RPS6KC1: variants seen among roughly 807,000 people sequenced by gnomAD.
The protein encoded by RPS6KC1 is ribosomal protein S6 kinase C1, also known as inactive ribosomal protein S6 kinase delta-1.
Under a neutral mutation model 103.8 loss-of-function variants are expected in RPS6KC1, and 54 were observed. The observed-to-expected ratio is 0.52, with a 90% CI of 0.42 to 0.65. The LOEUF (loss-of-function observed/expected upper bound fraction) is 0.65. Among genes scored for constraint, RPS6KC1 ranks in the 30% least tolerant of loss-of-function variants. RPS6KC1 has a pLI of 0.00. For synonymous variants in RPS6KC1, 439 were observed against 438.7 expected (o/e 1.00, Z -0.01); for missense variants, 1,151 against 1,253.8 (o/e 0.92, Z 1.24).
At chr1:213,642,741 T>G in the RPS6KC1 span, among the ~76,000 whole-genome samples, 1 of 152,058 alleles carries the variant, frequency 6.6e-6, no homozygotes, top group Non-Finnish European at 1.5e-5. Context: ...GCTTCTGCTT[T>G]TGTAACTTTA....
the RPS6KC1 span, among the ~76,000 whole-genome samples, chr1:213,799,281 G>A: frequency 2.6e-5 from 4 of 152,286 alleles, no homozygotes; most frequent in Admixed American, 2.6e-4. Flanking sequence ...CTGAGTTGGT[G>A]TAATTATTTC....
At chr1:213,215,048 GAGA>G (rs1405755056) in intron 8 of RPS6KC1, among the ~76,000 whole-genome samples, 30 of 152,330 alleles carry the variant, frequency 2.0e-4, no homozygotes, top group African/African-American at 6.7e-4. Flanking sequence ...GACAAGTTGA[GAGA>G]AGAAGGCTTC....
chr1:213,169,837 A>G (rs1160170961), intron 7 of RPS6KC1, among the ~76,000 whole-genome samples: 2 of 143,188 alleles, frequency 1.4e-5, no homozygotes, highest in Non-Finnish European at 3.0e-5. Context: ...GCTGGAGTGC[A>G]GTGGCGCGAT....
chr1:213,786,999 G>A, the RPS6KC1 span, among the ~76,000 whole-genome samples: 3 of 152,196 alleles, frequency 2.0e-5, no homozygotes, highest in African/African-American at 7.2e-5. Context: ...ATGAAAGGGA[G>A]ATTTGATGGG....
intron 1 of RPS6KC1, among the ~76,000 whole-genome samples, chr1:213,058,864 A>G (rs2077572993): frequency 6.6e-6 from 1 of 152,200 alleles, no homozygotes; most frequent in East Asian, 1.9e-4. Flanking sequence ...CATCTTTTCT[A>G]TGTTGAATCT....
At chr1:213,637,237 T>C in the RPS6KC1 span, among the ~76,000 whole-genome samples, 3 of 152,142 alleles carry the variant, frequency 2.0e-5, no homozygotes, top group Non-Finnish European at 4.4e-5. Flanking sequence ...AGAAATACCA[T>C]TTGACCCAGC....
At position 213,213,983 on chromosome 1, in the gene RPS6KC1, A is replaced by G. The variant is rs139978609; in HGVS notation, c.1045-16514A>G. On this transcript the variant is annotated intron_variant, in intron 8 of 14. Coordinates refer to ENST00000366960, the MANE Select transcript of RPS6KC1 (RefSeq NM_012424.6). ...AAGACGAATGATTTCTGCATTTCCA[A>G]CTGAGGTACTGGGTTCATCTCACTG... Among the ~76,000 whole-genome samples the G allele has an allele frequency of 4.2e-3, 633 of 152,302 alleles. 7 individuals are homozygous for G. The highest frequency in any genetic ancestry group is 0.015 in the African/African-American group (606 of 41,570).
At chr1:213,237,471 T>G (rs567170533) in intron 10 of RPS6KC1, among the ~76,000 whole-genome samples, 84 of 152,058 alleles carry the variant, frequency 5.5e-4, no homozygotes, top group Non-Finnish European at 9.6e-4. Flanking sequence ...ATATTTAAAT[T>G]GTTTCCAGTA....
At chr1:213,170,051 G>A (rs2091352740) in intron 7 of RPS6KC1, among the ~76,000 whole-genome samples, 2 of 152,174 alleles carry the variant, frequency 1.3e-5, no homozygotes, top group South Asian at 4.1e-4. Flanking sequence ...CAAAGTGCTT[G>A]TGATTACAGG....
chr1:213,428,128 A>G, the RPS6KC1 span, among the ~76,000 whole-genome samples: 3 of 152,164 alleles, frequency 2.0e-5, no homozygotes, highest in East Asian at 5.8e-4. Context: ...AAGACCAGGG[A>G]ACAGGTTTTC....
At chr1:213,796,310 A>G in the RPS6KC1 span, among the ~76,000 whole-genome samples, 2 of 152,196 alleles carry the variant, frequency 1.3e-5, no homozygotes, top group Non-Finnish European at 2.9e-5. Context: ...CAATGGGAGA[A>G]CAATAGATTG....
intron 8 of RPS6KC1, among the ~76,000 whole-genome samples, chr1:213,228,578 A>T (rs2094014283): frequency 6.6e-6 from 1 of 151,668 alleles, no homozygotes; most frequent in African/African-American, 2.4e-5. Context: ...AAAAAAAATT[A>T]TCCAGGCATG....
At chr1:213,554,592 A>G in the RPS6KC1 span, among the ~76,000 whole-genome samples, 1 of 152,192 alleles carries the variant, frequency 6.6e-6, no homozygotes, top group African/African-American at 2.4e-5. Flanking sequence ...AGCCATACCC[A>G]GAACCTGGAA....
the RPS6KC1 span, among the ~76,000 whole-genome samples, chr1:213,311,755 A>G: frequency 6.6e-6 from 1 of 152,088 alleles, no homozygotes; most frequent in Non-Finnish European, 1.5e-5. Flanking sequence ...TTAAAGACTG[A>G]TGATTTTAAA....
chr1:213,455,138 A>G, the RPS6KC1 span, among the ~76,000 whole-genome samples: 2 of 152,202 alleles, frequency 1.3e-5, no homozygotes, highest in African/African-American at 4.8e-5. Context: ...TGATAGAGAA[A>G]AGGATGGAGG....
At chr1:213,103,215 A>G (rs2082166410) in intron 3 of RPS6KC1, among the ~76,000 whole-genome samples, 1 of 152,086 alleles carries the variant, frequency 6.6e-6, no homozygotes, top group Non-Finnish European at 1.5e-5. Context: ...ATCTGTGATA[A>G]TGTTTCATTG....
the RPS6KC1 span, among the ~76,000 whole-genome samples, chr1:213,755,960 C>G: frequency 6.6e-6 from 1 of 152,198 alleles, no homozygotes. Flanking sequence ...TAGGCTTCCT[C>G]CCTGGCTTTC....
At chr1:213,803,237 T>C in the RPS6KC1 span, among the ~76,000 whole-genome samples, 1 of 145,854 alleles carries the variant, frequency 6.9e-6, no homozygotes, top group Non-Finnish European at 1.5e-5. Flanking sequence ...AACAAGGCAG[T>C]GGCTTTTTTT....
chr1:213,096,271 G>A (rs189996567), intron 3 of RPS6KC1, among the ~76,000 whole-genome samples: 26 of 152,300 alleles, frequency 1.7e-4, no homozygotes, highest in African/African-American at 5.3e-4. Flanking sequence ...ATTCAGTCAC[G>A]TCTTCAGGCT....
Sources: gnomAD v4.1 joint callset for allele counts (sites outside exome capture counted in the v4.1 genomes callset) on GRCh38, gnomAD v4.1.1 for gene constraint, MANE v1.5 for transcripts, NCBI Gene and HGNC (gene_info 2026-07-23, HGNC 2026-07-21) for gene names.